Variants in AP3S1 observed in about 807,000 individuals in gnomAD.
AP3S1 encodes adaptor related protein complex 3 subunit sigma 1, also known as AP-3 complex subunit sigma-1.
Under a neutral mutation model 21.3 loss-of-function variants are expected in AP3S1, and 12 were observed. That is an observed-to-expected ratio of 0.56 (90% CI 0.36 to 0.91). The LOEUF is 0.91. AP3S1 is among the 40% of genes least tolerant of loss of function. The pLI, the probability that AP3S1 is intolerant of heterozygous loss-of-function variation, is 0.01. For synonymous variants in AP3S1, 48 were observed against 78.4 expected (o/e 0.61, Z 2.05); for missense variants, 116 against 225.0 (o/e 0.52, Z 3.10).
chr5:115,909,077 G>A (rs1388759153), intron 5 of AP3S1: 5 of 638,932 alleles, frequency 7.8e-6, no homozygotes, highest in African/African-American at 6.6e-5. Flanking sequence ...TTATTATGCT[G>A]TATTCAAACT....
At chr5:115,903,769 GTAGC>G (rs1466481224) in intron 5 of AP3S1, 1 of 152,162 alleles carries the variant, frequency 6.6e-6, no homozygotes, top group East Asian at 1.9e-4. Context: ...AGCAGGTGCT[GTAGC>G]TGAGCCACCT....
chr5:115,842,219 T>C (rs981983485), intron 1 of AP3S1, 113 bp downstream of exon 1: 4 of 1,392,248 alleles, frequency 2.9e-6, no homozygotes, highest in Non-Finnish European at 3.8e-6. Flanking sequence ...CCTTGTCCCG[T>C]CCCGGCCGCC....
intron 3 of AP3S1, among the ~76,000 whole-genome samples, chr5:115,882,436 G>A (rs912640933): frequency 6.6e-6 from 1 of 152,182 alleles, no homozygotes; most frequent in Non-Finnish European, 1.5e-5. Flanking sequence ...CTGATTGTTA[G>A]TTTTCCTTCT....
At chr5:115,888,856 C>T (rs556833521) in intron 3 of AP3S1, among the ~76,000 whole-genome samples, 26 of 152,164 alleles carry the variant, frequency 1.7e-4, no homozygotes, top group African/African-American at 4.8e-4. Context: ...AATGGGTCTT[C>T]GGAACTGTGC....
chr5:115,884,421 C>T (rs1047661373), intron 3 of AP3S1, among the ~76,000 whole-genome samples: 5 of 152,058 alleles, frequency 3.3e-5, no homozygotes, highest in South Asian at 2.1e-4. Context: ...AAAAATTAGC[C>T]GGGCATGGTG....
chr5:115,874,173 A>T (rs1205680164), intron 3 of AP3S1, among the ~76,000 whole-genome samples: 2 of 152,200 alleles, frequency 1.3e-5, no homozygotes, highest in Admixed American at 6.5e-5. Context: ...CTTTTTAAAA[A>T]TTCCTTGTAA....
At chr5:115,865,615 A>G (rs1367629055) in intron 1 of AP3S1, among the ~76,000 whole-genome samples, 1 of 152,088 alleles carries the variant, frequency 6.6e-6, no homozygotes, top group Non-Finnish European at 1.5e-5. Context: ...TTTTACTATC[A>G]TATTTTTATA....
At chr5:115,862,509 A>G (rs968580429) in intron 1 of AP3S1, among the ~76,000 whole-genome samples, 1 of 152,200 alleles carries the variant, frequency 6.6e-6, no homozygotes, top group Non-Finnish European at 1.5e-5. Context: ...TGCTACTCTC[A>G]GTGGAGAGAA....
At chr5:115,868,706 A>G (rs567160235) in intron 2 of AP3S1, among the ~76,000 whole-genome samples, 1 of 151,562 alleles carries the variant, frequency 6.6e-6, no homozygotes, top group East Asian at 1.9e-4. Flanking sequence ...ACATGGTGAA[A>G]CCCCATCTCT....
chr5:115,873,852 G>A (rs901820623), intron 3 of AP3S1, among the ~76,000 whole-genome samples: 2 of 152,034 alleles, frequency 1.3e-5, no homozygotes, highest in African/African-American at 4.8e-5. Flanking sequence ...TTCTTTTAGA[G>A]AACAGATCAA....
chr5:115,862,479 G>T (rs1031279232), intron 1 of AP3S1, among the ~76,000 whole-genome samples: 1 of 152,154 alleles, frequency 6.6e-6, no homozygotes, highest in African/African-American at 2.4e-5. Flanking sequence ...ACTGGACGTG[G>T]TGCTATTCTC....
At chr5:115,885,898 A>AT (rs1182640274) in intron 3 of AP3S1, among the ~76,000 whole-genome samples, 2 of 152,218 alleles carry the variant, frequency 1.3e-5, no homozygotes, top group African/African-American at 4.8e-5. Context: ...TTTGAATGAG[A>AT]TTTTAACTGT....
At chr5:115,857,687 T>G (rs1276140393) in intron 1 of AP3S1, among the ~76,000 whole-genome samples, 1 of 152,244 alleles carries the variant, frequency 6.6e-6, no homozygotes, top group Non-Finnish European at 1.5e-5. Context: ...AATAATGTAC[T>G]TGTTTTACTG....
intron 3 of AP3S1, among the ~76,000 whole-genome samples, chr5:115,889,724 C>G (rs1238912411): frequency 2.6e-5 from 4 of 151,934 alleles, no homozygotes; most frequent in Non-Finnish European, 5.9e-5. Flanking sequence ...CCTTGTAATC[C>G]CAGCTACTCA....
rs1749263091 is a variant in AP3S1, at chr5:115,881,299, G to A, written c.273+11171G>A. Among the ~76,000 whole-genome samples, 4 of 152,108 alleles carry A rather than the reference G, an allele frequency of 2.6e-5. No homozygotes were observed. In the South Asian group the frequency reaches 8.3e-4, roughly 31 times the overall value. On this transcript the variant is annotated intron_variant, in intron 3 of 5. Transcript: ENST00000316788. Reference sequence around the variant, plus strand: ...GTGCAGTTTCTTCATAGTGTCAATGGTCTTCACAATTTAGTATGTTTTTGC... The same window carrying A: ...GTGCAGTTTCTTCATAGTGTCAATGATCTTCACAATTTAGTATGTTTTTGC...
chr5:115,882,146 T>C (rs1461985954), intron 3 of AP3S1, among the ~76,000 whole-genome samples: 1 of 152,016 alleles, frequency 6.6e-6, no homozygotes, highest in Non-Finnish European at 1.5e-5. Flanking sequence ...GGTTAGAACA[T>C]GCTCCTTTAG....
At chr5:115,870,221 TAGTA>T (rs1203427230) in intron 3 of AP3S1, 93 bp downstream of exon 3, 1 of 751,222 alleles carries the variant, frequency 1.3e-6, no homozygotes, top group Non-Finnish European at 2.1e-6. Context: ...AAAATGATGT[TAGTA>T]AGAAATAAAG....
chr5:115,863,600 G>T (rs1477075543), intron 1 of AP3S1, among the ~76,000 whole-genome samples: 2 of 151,928 alleles, frequency 1.3e-5, no homozygotes, highest in African/African-American at 4.8e-5. Context: ...GAAAATTCAT[G>T]AATCTGTAGC....
chr5:115,878,222 A>G (rs140860597), intron 3 of AP3S1, among the ~76,000 whole-genome samples: 110 of 152,090 alleles, frequency 7.2e-4, no homozygotes, highest in African/African-American at 2.6e-3. Context: ...CCATTTGTCA[A>G]TTTTGGCTTT....
Sources: gnomAD v4.1 joint callset for allele counts (sites outside exome capture counted in the v4.1 genomes callset) on GRCh38, gnomAD v4.1.1 for gene constraint, MANE v1.5 for transcripts, NCBI Gene and HGNC (gene_info 2026-07-23, HGNC 2026-07-21) for gene names.